The following BAZ2B variants were observed in gnomAD, a reference collection of about 807,000 sequenced individuals.
The protein encoded by BAZ2B is bromodomain adjacent to zinc finger domain 2B.
In BAZ2B, 91 loss-of-function variants were observed where a neutral mutation model predicts 246.0. The observed-to-expected ratio is 0.37, with a 90% confidence interval of 0.31 to 0.44. BAZ2B has a LOEUF of 0.44. Ranked by LOEUF, BAZ2B falls within the 20% of genes least tolerant of loss-of-function variation. The pLI, the probability that BAZ2B is intolerant of heterozygous loss-of-function variation, is 1.00. For synonymous variants in BAZ2B, 855 were observed against 860.0 expected (o/e 0.99, Z 0.10); for missense variants, 2,332 against 2,533.7 (o/e 0.92, Z 1.71).
intron 6 of BAZ2B, among the ~76,000 whole-genome samples, chr2:159,445,925 G>A (rs2074173494): frequency 6.6e-6 from 1 of 152,110 alleles, no homozygotes; most frequent in Non-Finnish European, 1.5e-5. Flanking sequence ...ACCAGCCTTG[G>A]CAACATAGTG....
rs553701197 is a variant in BAZ2B, at chr2:159,521,483, G to C, written c.-3+34340C>G. 2.6e-5 allele frequency among the ~76,000 whole-genome samples: 4 copies of C among 152,166 alleles called. No individual in the cohort carries two copies. In the East Asian group the frequency reaches 7.7e-4, roughly 29 times the overall value. ...ATATTCATTTTTCTGCAGAAGAACA[G>C]ACATTGCATAACAATGAGATTTGCT... On this transcript the variant is annotated intron_variant, in intron 2 of 36. Coordinates refer to ENST00000392783, the MANE Select transcript of BAZ2B (RefSeq NM_013450.4).
At chr2:159,591,768 C>G (rs1391055345) in intron 1 of BAZ2B, among the ~76,000 whole-genome samples, 1 of 152,082 alleles carries the variant, frequency 6.6e-6, no homozygotes, top group Non-Finnish European at 1.5e-5. Context: ...CATTTTCCAG[C>G]AAAAATCACA....
chr2:159,594,125 CG>C, intron 1 of BAZ2B, among the ~76,000 whole-genome samples: 1 of 152,292 alleles, frequency 6.6e-6, no homozygotes, highest in East Asian at 1.9e-4. Context: ...AAAAGTCGGC[CG>C]GGCGCGGTGG....
At chr2:159,523,485 C>T (rs2084371235) in intron 2 of BAZ2B, among the ~76,000 whole-genome samples, 1 of 152,026 alleles carries the variant, frequency 6.6e-6, no homozygotes, top group African/African-American at 2.4e-5. Flanking sequence ...GCGGGCGGAT[C>T]ACAAGATCAG....
intron 1 of BAZ2B, among the ~76,000 whole-genome samples, chr2:159,588,134 A>G (rs1217678327): frequency 6.7e-6 from 1 of 148,910 alleles, no homozygotes; most frequent in Non-Finnish European, 1.5e-5. Context: ...TTGAGGCTGC[A>G]GTGAGCTACG....
chr2:159,583,843 G>A (rs775948748), intron 1 of BAZ2B, among the ~76,000 whole-genome samples: 2 of 152,170 alleles, frequency 1.3e-5, no homozygotes, highest in African/African-American at 2.4e-5. Flanking sequence ...GTACATCTGA[G>A]CAATGGTTTG....
At chr2:159,496,079 C>G (rs887995506) in intron 2 of BAZ2B, among the ~76,000 whole-genome samples, 2 of 146,690 alleles carry the variant, frequency 1.4e-5, no homozygotes, top group African/African-American at 5.0e-5. Context: ...AGAAGAAATA[C>G]TTTTTAAAAA....
chr2:159,419,482 A>G (rs1404666010), intron 13 of BAZ2B, among the ~76,000 whole-genome samples: 4 of 152,220 alleles, frequency 2.6e-5, no homozygotes, highest in South Asian at 2.1e-4. Context: ...TAGATTATCA[A>G]CTTTATGACA....
the BAZ2B span, among the ~76,000 whole-genome samples, chr2:159,674,759 C>T: frequency 6.7e-6 from 1 of 149,564 alleles, no homozygotes; most frequent in South Asian, 2.1e-4. Flanking sequence ...AAGTTGAATA[C>T]CTGAAGAAAC....
At chr2:159,614,520 T>C (rs1695440362) in intron 1 of BAZ2B, among the ~76,000 whole-genome samples, 1 of 151,828 alleles carries the variant, frequency 6.6e-6, no homozygotes, top group African/African-American at 2.4e-5. Flanking sequence ...AAAATAACCA[T>C]ACATAAATAT....
the BAZ2B span, among the ~76,000 whole-genome samples, chr2:159,678,749 T>C: frequency 6.6e-6 from 1 of 152,232 alleles, no homozygotes; most frequent in Non-Finnish European, 1.5e-5. Context: ...TACAGATTTA[T>C]GTCACTACCA....
At chr2:159,426,717 T>G (rs2069974550) in intron 13 of BAZ2B, among the ~76,000 whole-genome samples, 1 of 152,148 alleles carries the variant, frequency 6.6e-6, no homozygotes, top group African/African-American at 2.4e-5. Context: ...ATGCAAAAGA[T>G]TACTTTTTCA....
At chr2:159,567,710 A>G (rs778585563) in intron 1 of BAZ2B, among the ~76,000 whole-genome samples, 9 of 152,216 alleles carry the variant, frequency 5.9e-5, no homozygotes, top group Non-Finnish European at 1.2e-4. Flanking sequence ...GTGGTGGCTC[A>G]CGCCTGTAAT....
intron 2 of BAZ2B, among the ~76,000 whole-genome samples, chr2:159,538,456 C>T (rs544510202): frequency 1.3e-5 from 2 of 152,292 alleles, no homozygotes; most frequent in East Asian, 3.9e-4. Flanking sequence ...TTCTAAGAGC[C>T]TTCCTCCTGC....
chr2:159,493,110 T>C (rs891357812), intron 2 of BAZ2B, among the ~76,000 whole-genome samples: 1 of 152,200 alleles, frequency 6.6e-6, no homozygotes, highest in Non-Finnish European at 1.5e-5. Context: ...ACTCATTACA[T>C]TTCATTGCAA....
intron 34 of BAZ2B, among the ~76,000 whole-genome samples, chr2:159,327,416 T>C (rs1476868547): frequency 6.6e-6 from 1 of 152,224 alleles, no homozygotes; most frequent in Admixed American, 6.5e-5. Flanking sequence ...AGGCAAACCA[T>C]AAATCCAACA....
At chr2:159,347,914 A>G (rs952305022) in intron 30 of BAZ2B, among the ~76,000 whole-genome samples, 4 of 152,230 alleles carry the variant, frequency 2.6e-5, no homozygotes, top group Non-Finnish European at 5.9e-5. Flanking sequence ...ACAGAAAAAA[A>G]TAGTAGTGCA....
At chr2:159,698,580 A>G in the BAZ2B span, among the ~76,000 whole-genome samples, 1 of 151,284 alleles carries the variant, frequency 6.6e-6, no homozygotes, top group African/African-American at 2.4e-5. Context: ...TAAGTACTAT[A>G]TATTATATAG....
In BAZ2B at chr2:159,429,272, T is replaced by C. The variant is rs1559380836; in HGVS notation, c.2195-12A>G. ...TCTTTTGGAAGTGCCTTTAAAAAAA[T>C]TCAATTGGTTAATATAAAACATTCA... On this transcript the variant is annotated splice_polypyrimidine_tract_variant and intron_variant, in intron 10 of 36. Coordinates refer to ENST00000392783, the MANE Select transcript of BAZ2B (RefSeq NM_013450.4). The C allele has an allele frequency of 6.6e-7, 1 of 1,513,560 alleles. No homozygotes were observed. Among genetic ancestry groups the C allele is most frequent in the Admixed American group, 1.8e-5 (1 of 56,312 alleles). 93.8% of individuals were successfully genotyped at this position (1,513,560 alleles called of 1,614,324 possible). A position where few individuals can be genotyped will look rare whatever the true frequency, so the allele number is the denominator to read the frequency against.
Sources: allele counts gnomAD v4.1 joint callset (sites outside exome capture counted in the v4.1 genomes callset), GRCh38; gene constraint gnomAD v4.1.1; transcripts MANE v1.5; gene names NCBI Gene and HGNC (gene_info 2026-07-23, HGNC 2026-07-21).